The following HSP90B1 variants were observed in gnomAD, a reference collection of about 807,000 sequenced individuals.
The protein encoded by HSP90B1 is heat shock protein 90 beta family member 1.
A neutral mutation model predicts 100.4 loss-of-function variants in HSP90B1; 27 were observed. The ratio of observed to expected loss-of-function variants is 0.27; its 90% CI spans 0.20 to 0.37. The LOEUF is 0.37. Ranked by LOEUF, HSP90B1 falls within the 10% of genes least tolerant of loss-of-function variation. HSP90B1 has a pLI of 1.00. For missense variants in HSP90B1, 678 were observed against 960.5 expected, an observed-to-expected ratio of 0.71 and a Z score of 3.89; for synonymous variants, 304 against 330.8, an observed-to-expected ratio of 0.92 and a Z score of 0.88.
At chr12:103,936,849 A>C (rs1869934476) in intron 5 of HSP90B1, among the ~76,000 whole-genome samples, 1 of 152,170 alleles carries the variant, frequency 6.6e-6, no homozygotes, top group African/African-American at 2.4e-5. Context: ...CTCTGAGACC[A>C]GGGGCCTAGT....
chr12:103,932,946 A>T lies in HSP90B1; in HGVS notation c.411+4A>T. 1 of 1,355,498 alleles carries T rather than the reference A, an allele frequency of 7.4e-7. No individual in the cohort carries two copies. Among genetic ancestry groups the T allele is most frequent in the African/African-American group, 1.4e-5 (1 of 69,752 alleles). 84.0% of individuals were successfully genotyped at this position (1,355,498 alleles called of 1,614,324 possible). A position where few individuals can be genotyped will look rare whatever the true frequency, so the allele number is the denominator to read the frequency against. ...GGAACTAACAGTCAAAATTAAGGTA[A>T]GTGTAAGGCAGTTTTTCTTTCTTTT... On this transcript the variant is annotated splice_donor_region_variant and intron_variant, in intron 4 of 17. Transcript: ENST00000299767.
chr12:103,944,745 G>T (rs534166866), intron 14 of HSP90B1, among the ~76,000 whole-genome samples: 4 of 152,146 alleles, frequency 2.6e-5, no homozygotes, highest in South Asian at 4.2e-4. Flanking sequence ...TAGTAGAGAC[G>T]GTGTTTCACC....
chr12:103,939,671 A>G (rs1870021091), intron 8 of HSP90B1, 46 bp downstream of exon 8: 1 of 838,652 alleles, frequency 1.2e-6, no homozygotes, highest in South Asian at 1.8e-5. Flanking sequence ...ATGAATAGAC[A>G]AAATATCACC....
In HSP90B1 at chr12:103,934,114, A is replaced by G. The variant is rs767410423; in HGVS notation, c.570A>G (p.Glu190=). Residue 190 remains glutamate, a synonymous_variant, in exon 5 of 18, where the codon GAA becomes GAG. Transcript: ENST00000299767. ...EAQEDGQSTS[E]LIGQFGVGFY... ...AGGAAGATGGCCAGTCAACTTCTGA[A>G]TTGATTGGCCAGTTTGGTGTCGGTT... 45 of 1,614,196 alleles carry G rather than the reference A, an allele frequency of 2.8e-5. No homozygotes were observed. Among genetic ancestry groups the G allele is most frequent in the Non-Finnish European group, 3.8e-5 (45 of 1,180,020 alleles).
intron 14 of HSP90B1, among the ~76,000 whole-genome samples, 182 bp from the exon 15 acceptor site, chr12:103,946,436 C>A (rs1273174310): frequency 2.8e-5 from 4 of 144,168 alleles, no homozygotes; most frequent in African/African-American, 1.0e-4. Flanking sequence ...GGAGGGCGGA[C>A]TGTATTTATT....
intron 5 of HSP90B1, among the ~76,000 whole-genome samples, chr12:103,935,395 G>A (rs928255676): frequency 1.3e-5 from 2 of 152,072 alleles, no homozygotes; most frequent in Non-Finnish European, 2.9e-5. Flanking sequence ...TATTTCAGAG[G>A]TCAGTTGGCT....
In HSP90B1 at chr12:103,933,939, T is replaced by C. The variant is rs1189953672; in HGVS notation, c.412-17T>C. 6.3e-7 allele frequency: 1 copy of C among 1,591,184 alleles called. No homozygotes were observed. The highest frequency in any genetic ancestry group is 8.6e-7 in the Non-Finnish European group (1 of 1,161,620). On this transcript the variant is annotated splice_polypyrimidine_tract_variant and intron_variant, in intron 4 of 17. Transcript: ENST00000299767. ...TAAATATTAAATACAACTATCTGGTTCTTGTCTTGCATTTAGTGTGATAAG... is the reference window on the plus strand; with the variant it reads ...TAAATATTAAATACAACTATCTGGTCCTTGTCTTGCATTTAGTGTGATAAG...
intron 7 of HSP90B1, among the ~76,000 whole-genome samples, chr12:103,939,118 T>G (rs1870003521): frequency 6.6e-6 from 1 of 151,468 alleles, no homozygotes; most frequent in African/African-American, 2.4e-5. Context: ...TTTTCTTTAA[T>G]TTGGAGACAG....
At chr12:103,942,203 C>T (rs188059066) in intron 11 of HSP90B1, among the ~76,000 whole-genome samples, 31 of 152,310 alleles carry the variant, frequency 2.0e-4, no homozygotes, top group African/African-American at 7.0e-4. Flanking sequence ...TCCAATACTT[C>T]CATAATTAGA....
At chr12:103,942,458 C>T in intron 11 of HSP90B1, 69 bp from the exon 12 acceptor site, 1 of 1,441,852 alleles carries the variant, frequency 6.9e-7, no homozygotes, top group East Asian at 2.3e-5. Context: ...ACACTCCTGC[C>T]TGGGTACCTT....
chr12:103,936,765 C>T (rs563696689), intron 5 of HSP90B1, among the ~76,000 whole-genome samples: 1 of 152,268 alleles, frequency 6.6e-6, no homozygotes, highest in Middle Eastern at 3.4e-3. Flanking sequence ...ATGCTTCTAC[C>T]TAAGATATCT....
intron 12 of HSP90B1, 84 bp from the exon 13 acceptor site, chr12:103,942,990 T>C (rs1593491719): frequency 6.5e-7 from 1 of 1,532,718 alleles, no homozygotes; most frequent in Admixed American, 2.1e-5. Context: ...GAGTTTTTAA[T>C]AATGTATAAA....
rs1358244140 is a variant in HSP90B1 at position 103,941,962 on chromosome 12, A to G, written c.1374+65A>G. The G allele has an allele frequency of 2.5e-6, 3 of 1,181,826 alleles. No individual in the cohort carries two copies. The African/African-American group carries it at 8.3e-5, about 33-fold the overall frequency. The allele number at this position is 1,181,826 out of a possible 1,614,324, so 73.2% of individuals were successfully genotyped here. On this transcript the variant is annotated intron_variant, in intron 11 of 17. Transcript: ENST00000299767. ...GATTGGGGTTCAGAGGACAGGCTCC[A>G]TTTGTGGAGTAAAACCAGATTTTGG...
chr12:103,937,123 C>T (rs1442803587), intron 5 of HSP90B1, among the ~76,000 whole-genome samples: 2 of 152,274 alleles, frequency 1.3e-5, no homozygotes, highest in South Asian at 4.1e-4. Context: ...TCCATTTTGG[C>T]GATCACCAGC....
chr12:103,932,881 T>C lies in HSP90B1; in HGVS notation c.350T>C (p.Leu117Pro). 4.4e-6 allele frequency: 7 copies of C among 1,608,234 alleles called. No homozygotes were observed. Among genetic ancestry groups the C allele is most frequent in the Non-Finnish European group, 4.3e-6 (5 of 1,174,862 alleles). ...NASDALDKIR[L>P]ISLTDENALS... ...TCTGATGCTTTAGATAAGATAAGGCTAATATCACTGACTGATGAAAATGCT... is the reference window on the plus strand; with the variant it reads ...TCTGATGCTTTAGATAAGATAAGGCCAATATCACTGACTGATGAAAATGCT... The change falls in exon 4 of 18, where the codon CTA becomes CCA. Residue 117 changes from leucine to proline, a missense_variant. Physicochemically the swap from Leu to Pro is moderately conservative, Grantham distance 98 (BLOSUM62 -3). Around this residue, in one of 8 missense-constraint regions of HSP90B1, gnomAD observed 238 missense variants for 346.7 expected, o/e 0.69. Transcript: ENST00000299767.
chr12:103,938,653 C>T (rs1869990464), intron 7 of HSP90B1, 194 bp downstream of exon 7: 1 of 430,780 alleles, frequency 2.3e-6, no homozygotes, highest in African/African-American at 2.0e-5. Context: ...AGTATCAAAC[C>T]CAGGTCATTT....
chr12:103,938,110 G>A, intron 6 of HSP90B1: 1 of 416,094 alleles, frequency 2.4e-6, no homozygotes, highest in Non-Finnish European at 4.3e-6. Context: ...GACGGAGGTT[G>A]CAGTGAGCCA....
In HSP90B1 at chr12:103,930,871, C is replaced by T. The variant is rs376916927; in HGVS notation, c.49+307C>T. On this transcript the variant is annotated intron_variant, in intron 1 of 17. Transcript: ENST00000299767. The surrounding 1 kb of genome is among the most constrained non-coding windows in gnomAD (Gnocchi z 4.4). ...CCGGGAGCTGTGCGAGTCCCTCCCC[C>T]CTCCCCGCCCGGAGGACTTTTTCGG... 1.6e-4 allele frequency among the ~76,000 whole-genome samples: 24 copies of T among 150,854 alleles called. No individual in the cohort carries two copies. In the East Asian group the frequency reaches 3.1e-3, roughly 20 times the overall value.
chr12:103,935,039 G>C (rs1187091997), intron 5 of HSP90B1, among the ~76,000 whole-genome samples: 1 of 152,150 alleles, frequency 6.6e-6, no homozygotes, highest in Non-Finnish European at 1.5e-5. Context: ...AAGGTGGTGT[G>C]GAGGATGTGA....
Sources: gnomAD v4.1 joint callset for allele counts (sites outside exome capture counted in the v4.1 genomes callset) on GRCh38, gnomAD v4.1.1 for gene constraint, gnomAD v4.1.1 regional missense constraint, Gnocchi (gnomAD v3.1) non-coding constraint, MANE v1.5 for transcripts, NCBI Gene and HGNC (gene_info 2026-07-23, HGNC 2026-07-21) for gene names.